Variants in GAS2 observed in about 807,000 individuals in gnomAD.
GAS2 encodes the protein growth arrest-specific protein 2.
GAS2 carries 20 observed loss-of-function variants against 37.5 expected under a neutral mutation model. The ratio of observed to expected loss-of-function variants is 0.53; its 90% CI spans 0.37 to 0.77. The LOEUF (loss-of-function observed/expected upper bound fraction) is 0.77, where lower values mean the gene tolerates loss of function less well. Among genes scored for constraint, GAS2 ranks in the 30% least tolerant of loss-of-function variants. The pLI is 0.00. For synonymous variants in GAS2, 144 were observed against 132.2 expected (o/e 1.09, Z -0.61); for missense variants, 336 against 373.4 (o/e 0.90, Z 0.82).
At position 22,775,604 on chromosome 11, in the gene GAS2, A is replaced by G. The variant is rs184096126; in HGVS notation, c.723+19651A>G. On this transcript the variant is annotated intron_variant, in intron 7 of 7. Coordinates refer to ENST00000454584, the MANE Select transcript of GAS2 (RefSeq NM_001143830.3). ...AATTGTGGGCTACTCACAGAAACTA[A>G]AAGAGAATGATGGGAAATAGTCTTT... Among the ~76,000 whole-genome samples, 44 of 152,290 alleles carry G rather than the reference A, an allele frequency of 2.9e-4. No individual in the cohort carries two copies. In the East Asian group the frequency reaches 5.6e-3, roughly 19 times the overall value.
At chr11:22,706,508 C>T (rs552138358) in intron 3 of GAS2, among the ~76,000 whole-genome samples, 11 of 152,134 alleles carry the variant, frequency 7.2e-5, no homozygotes, top group East Asian at 1.9e-4. Context: ...CAACAGTCCC[C>T]GGAGTGTGAT....
intron 1 of GAS2, among the ~76,000 whole-genome samples, chr11:22,672,391 T>G (rs942817371): frequency 1.3e-5 from 2 of 152,156 alleles, no homozygotes; most frequent in Non-Finnish European, 2.9e-5. Context: ...CTTCACTGTT[T>G]AGAGGTTTTG....
In GAS2 at chr11:22,726,448, C is replaced by T; in HGVS notation, c.409+15C>T. The T allele has an allele frequency of 6.2e-7, 1 of 1,601,550 alleles. No individual in the cohort carries two copies. The highest frequency in any genetic ancestry group is 8.5e-7 in the Non-Finnish European group (1 of 1,174,198). The stretch of plus-strand genomic sequence containing the variant: ...GGAAGGTTTGGGTATGTATTAACTT[C>T]AGAATTTTAGTTGATAAGATACGCA... On this transcript the variant is annotated intron_variant, in intron 4 of 7. Transcript: ENST00000454584.
At chr11:22,743,438 A>T (rs966591767) in intron 5 of GAS2, among the ~76,000 whole-genome samples, 2 of 152,118 alleles carry the variant, frequency 1.3e-5, no homozygotes, top group African/African-American at 4.8e-5. Flanking sequence ...TACTGGGCAC[A>T]TGAAGTACAC....
chr11:22,667,545 C>A lies in GAS2; in HGVS notation c.-21+646C>A, dbSNP rs11026722. 3.6e-3 allele frequency among the ~76,000 whole-genome samples: 542 copies of A among 152,274 alleles called. 16 individuals carry two copies. The East Asian group carries it at 0.075, about 21-fold the overall frequency. On this transcript the variant is annotated intron_variant, in intron 1 of 7. Coordinates refer to ENST00000454584, the MANE Select transcript of GAS2 (RefSeq NM_001143830.3). ...TGGGGAGATTTTGCGTGGTATCGTT[C>A]TTTTTGTTCAGTCCAAAGTTGAGAC...
Position 22,811,914 on chromosome 11 carries a change from A to G in GAS2, c.840A>G (p.Lys280=), listed in dbSNP as rs754387835. ...TGCAGATCTCCCGTGTGGATGGCAA[A>G]ACATCCCCTATCCAAAGCAAATCTC... ...RMLQISRVDG[K]TSPIQSKSPT... Residue 280 remains lysine (K), a synonymous_variant, in exon 8 of 8, where the codon AAA becomes AAG. Transcript: ENST00000454584. The G allele has an allele frequency of 4.3e-6, 7 of 1,614,140 alleles. No homozygotes were observed. The highest frequency in any genetic ancestry group is 5.9e-6 in the Non-Finnish European group (7 of 1,180,008).
intron 7 of GAS2, among the ~76,000 whole-genome samples, chr11:22,785,542 A>G (rs1339286163): frequency 1.3e-5 from 2 of 152,164 alleles, no homozygotes; most frequent in African/African-American, 4.8e-5. Context: ...GACTTTGCTG[A>G]TGTCTTGGGA....
At chr11:22,777,520 T>C (rs573480700) in intron 7 of GAS2, among the ~76,000 whole-genome samples, 2 of 152,244 alleles carry the variant, frequency 1.3e-5, no homozygotes, top group African/African-American at 4.8e-5. Flanking sequence ...CAATATGATA[T>C]AGATTTATCT....
intron 7 of GAS2, among the ~76,000 whole-genome samples, chr11:22,762,673 GC>G (rs1427818424): frequency 1.3e-5 from 2 of 152,020 alleles, no homozygotes; most frequent in Non-Finnish European, 2.9e-5. Flanking sequence ...AATCAATAGT[GC>G]CTAATATAAA....
intron 7 of GAS2, among the ~76,000 whole-genome samples, chr11:22,756,297 A>T (rs369806584): frequency 1.3e-5 from 2 of 151,818 alleles, no homozygotes; most frequent in South Asian, 4.2e-4. Flanking sequence ...TTCTTTTTTT[A>T]AAAAAAAGAA....
At chr11:22,628,115 A>G (rs548025041) in intron 1 of GAS2, among the ~76,000 whole-genome samples, 45 of 152,348 alleles carry the variant, frequency 3.0e-4, no homozygotes, top group Non-Finnish European at 5.1e-4. Context: ...ATTTTCATTA[A>G]ATAAAATGTC....
intron 1 of GAS2, among the ~76,000 whole-genome samples, chr11:22,651,251 C>T (rs1848771883): frequency 6.6e-6 from 1 of 152,220 alleles, no homozygotes; most frequent in African/African-American, 2.4e-5. Context: ...TTGGCCCCCA[C>T]TGTCTTCTGG....
At chr11:22,785,332 C>T (rs1468168828) in intron 7 of GAS2, among the ~76,000 whole-genome samples, 1 of 152,112 alleles carries the variant, frequency 6.6e-6, no homozygotes, top group African/African-American at 2.4e-5. Context: ...TGTGTCTTTT[C>T]TCCCACTCCT....
intron 7 of GAS2, among the ~76,000 whole-genome samples, chr11:22,775,590 A>G (rs1037401466): frequency 6.6e-6 from 1 of 152,090 alleles, no homozygotes; most frequent in Admixed American, 6.6e-5. Context: ...ATTGTGGGCT[A>G]CTCACAGAAA....
At chr11:22,711,152 A>G (rs968884466) in intron 3 of GAS2, among the ~76,000 whole-genome samples, 2 of 152,190 alleles carry the variant, frequency 1.3e-5, no homozygotes, top group African/African-American at 4.8e-5. Context: ...TGAGTTCCCA[A>G]AGTGTGAGGG....
intron 1 of GAS2, among the ~76,000 whole-genome samples, chr11:22,649,787 G>A (rs1175253734): frequency 2.0e-4 from 30 of 151,590 alleles, no homozygotes; most frequent in East Asian, 7.8e-4. Context: ...TTTTTATTGC[G>A]TCTATTTGAT....
At chr11:22,649,263 A>C (rs1397728847) in intron 1 of GAS2, among the ~76,000 whole-genome samples, 3 of 152,196 alleles carry the variant, frequency 2.0e-5, no homozygotes, top group Non-Finnish European at 2.9e-5. Flanking sequence ...CCCAGAGATG[A>C]AACCCACTTG....
In GAS2 at chr11:22,781,926, A is replaced by G. The variant is rs116650781; in HGVS notation, c.723+25973A>G. ...AATGGCTATGTTGCATGGACTCACC[A>G]GATACCATGCTTTCGGCCAAATTAA... is the stretch of plus-strand genomic sequence containing the variant. On this transcript the variant is annotated intron_variant, in intron 7 of 7. Transcript: ENST00000454584. Among the ~76,000 whole-genome samples, 734 of 152,300 alleles carry G rather than the reference A, an allele frequency of 4.8e-3. 5 individuals are homozygous for G. The highest frequency in any genetic ancestry group is 0.017 in the African/African-American group (701 of 41,562).
chr11:22,733,855 T>C (rs1295597018), intron 4 of GAS2, among the ~76,000 whole-genome samples: 3 of 151,784 alleles, frequency 2.0e-5, no homozygotes, highest in African/African-American at 7.2e-5. Context: ...GAGCTCTTTA[T>C]TTGTTTTGAA....
Sources: gnomAD v4.1 joint callset for allele counts (sites outside exome capture counted in the v4.1 genomes callset) on GRCh38, gnomAD v4.1.1 for gene constraint, MANE v1.5 for transcripts, NCBI Gene and HGNC (gene_info 2026-07-23, HGNC 2026-07-21) for gene names.